MINDY4B: variants seen among roughly 807,000 people sequenced by gnomAD.
MINDY4B encodes the protein inactive ubiquitin carboxyl-terminal hydrolase MINDY-4B.
In MINDY4B, 25 loss-of-function variants were observed where a neutral mutation model predicts 16.7. The observed-to-expected ratio is 1.49, with a 90% confidence interval of 1.09 to 2.09. The LOEUF is 2.09. Among genes scored for constraint, MINDY4B ranks in the 30% most tolerant of loss-of-function variants. The pLI, the probability that MINDY4B is intolerant of heterozygous loss-of-function variation, is 0.00. For missense variants in MINDY4B, 327 were observed against 168.4 expected, an observed-to-expected ratio of 1.94 and a Z score of -5.21; for synonymous variants, 132 against 61.9, an observed-to-expected ratio of 2.13 and a Z score of -5.32.
At chr3:150,888,931 G>A (rs1005855566) in intron 7 of MINDY4B, among the ~76,000 whole-genome samples, 1 of 152,088 alleles carries the variant, frequency 6.6e-6, no homozygotes, top group South Asian at 2.1e-4. Context: ...TGGAAGACAG[G>A]GAGGGGAGGG....
chr3:150,903,099 C>A, intron 3 of MINDY4B, 150 bp downstream of exon 3: 1 of 395,228 alleles, frequency 2.5e-6, no homozygotes, highest in East Asian at 3.6e-5. Flanking sequence ...ATAAATAAGT[C>A]ATTTTAATTA....
rs528207345 is a variant in MINDY4B, at chr3:150,870,471, C to T, written c.*574G>A. On this transcript the variant is annotated 3_prime_UTR_variant, in exon 12 of 12. Transcript: ENST00000465419. Reference sequence around the variant, plus strand: ...GCTACTGAAACCCACATGTCAACTGCTATAGCTGTCAGCCTACCAGGAATA... The same window carrying T: ...GCTACTGAAACCCACATGTCAACTGTTATAGCTGTCAGCCTACCAGGAATA... Among the ~76,000 whole-genome samples the T allele has an allele frequency of 6.6e-6, 1 of 152,314 alleles. No homozygotes were observed. Among genetic ancestry groups the T allele is most frequent in the African/African-American group, 2.4e-5 (1 of 41,568 alleles).
chr3:150,879,129 T>A (rs1204972537), intron 10 of MINDY4B, among the ~76,000 whole-genome samples: 1 of 152,214 alleles, frequency 6.6e-6, no homozygotes, highest in Non-Finnish European at 1.5e-5. Flanking sequence ...TGTCAACCTT[T>A]CTAATACTGA....
intron 11 of MINDY4B, 76 bp downstream of exon 11, chr3:150,873,111 A>G (rs556574345): frequency 4.8e-6 from 3 of 627,142 alleles, no homozygotes; most frequent in Non-Finnish European, 5.7e-6. Context: ...GAATATCCAC[A>G]CAGTTGTTAA....
intron 10 of MINDY4B, among the ~76,000 whole-genome samples, chr3:150,879,764 G>A (rs1407987186): frequency 6.6e-6 from 1 of 152,176 alleles, no homozygotes; most frequent in Non-Finnish European, 1.5e-5. Context: ...TCTGGGGGAT[G>A]ACCTGGGCAT....
chr3:150,878,690 C>G (rs1016215595), intron 10 of MINDY4B, among the ~76,000 whole-genome samples: 1 of 152,182 alleles, frequency 6.6e-6, no homozygotes, highest in Non-Finnish European at 1.5e-5. Flanking sequence ...TGCCCCACTT[C>G]CAGTTTGTGA....
chr3:150,873,463 T>C, intron 10 of MINDY4B, 96 bp from the exon 11 acceptor site: 1 of 634,612 alleles, frequency 1.6e-6, no homozygotes. Flanking sequence ...AGCTCTGAGG[T>C]TTCTTGTTGC....
In MINDY4B at chr3:150,903,486, C is replaced by G. The variant is rs1294905326; in HGVS notation, c.142-70G>C. 1.0e-5 allele frequency: 4 copies of G among 397,750 alleles called. No individual in the cohort carries two copies. In the Admixed American group the frequency reaches 1.3e-4, roughly 13 times the overall value. The allele number at this position is 397,750 out of a possible 1,614,324, so 24.6% of individuals were successfully genotyped here. On this transcript the variant is annotated intron_variant, in intron 2 of 11. Coordinates refer to ENST00000465419, the MANE Select transcript of MINDY4B (RefSeq NM_001351281.2). Reference sequence around the variant, plus strand: ...GTGATGACCTTGTTTTAAATTTTCTCTTTTTCTCTCTGAAATACCAGTGTT... The same window carrying G: ...GTGATGACCTTGTTTTAAATTTTCTGTTTTTCTCTCTGAAATACCAGTGTT...
intron 10 of MINDY4B, 104 bp downstream of exon 10, chr3:150,882,793 A>G (rs936879387): frequency 1.7e-5 from 9 of 514,332 alleles, no homozygotes; most frequent in African/African-American, 5.8e-5. Flanking sequence ...GCAGACAGTA[A>G]GGGAGAAAGT....
chr3:150,871,036 A>G lies in MINDY4B; in HGVS notation c.*9T>C. ...CACTTCAGACTTCATTGCACAGCCT[A>G]GTTTCCCTTTAGAAGAAGGGAACGG... On this transcript the variant is annotated 3_prime_UTR_variant, in exon 12 of 12. Transcript: ENST00000465419. 2 of 702,528 alleles carry G rather than the reference A, an allele frequency of 2.8e-6. No homozygotes were observed. The highest frequency in any genetic ancestry group is 5.2e-6 in the Non-Finnish European group (2 of 384,650). 43.5% of individuals were successfully genotyped at this position (702,528 alleles called of 1,614,324 possible).
chr3:150,897,492 C>T (rs571713024), intron 3 of MINDY4B, among the ~76,000 whole-genome samples: 22 of 152,186 alleles, frequency 1.4e-4, no homozygotes, highest in Middle Eastern at 3.4e-3. Flanking sequence ...ACAAACGGAG[C>T]GTGGAGCTCA....
intron 11 of MINDY4B, among the ~76,000 whole-genome samples, chr3:150,872,521 T>TC (rs1716993639): frequency 6.6e-6 from 1 of 152,238 alleles, no homozygotes; most frequent in Non-Finnish European, 1.5e-5. Flanking sequence ...TTGGTCTTTT[T>TC]CCCTCAGGAG....
At chr3:150,900,519 A>G (rs910158994) in intron 3 of MINDY4B, among the ~76,000 whole-genome samples, 2 of 152,332 alleles carry the variant, frequency 1.3e-5, no homozygotes, top group Non-Finnish European at 1.5e-5. Flanking sequence ...TAGAACAAGC[A>G]TATTTAGAAT....
Position 150,871,156 on chromosome 3 carries a change from T to C in MINDY4B, c.1272A>G (p.Gln424=). The change falls in exon 12 of 12, where the codon CAA becomes CAG. Residue 424 remains glutamine (Q), a synonymous_variant. Coordinates refer to ENST00000465419, the MANE Select transcript of MINDY4B (RefSeq NM_001351281.2). ...GTCTTGGTCCATGTTTCTCTTCCTG[T>C]TGGTCTCTTTCCCAGTGATGGGAGT... ...DTHSHHWERD[Q]QEEKHGPRRR... The C allele has an allele frequency of 1.4e-6, 1 of 702,804 alleles. No individual in the cohort carries two copies. The highest frequency in any genetic ancestry group is 2.6e-6 in the Non-Finnish European group (1 of 384,816). 43.5% of individuals were successfully genotyped at this position (702,804 alleles called of 1,614,324 possible).
chr3:150,889,230 G>A (rs1008191066), intron 7 of MINDY4B, among the ~76,000 whole-genome samples: 7 of 152,252 alleles, frequency 4.6e-5, no homozygotes, highest in Non-Finnish European at 2.9e-5. Flanking sequence ...GATGTCAGCA[G>A]GGCAGCTTCC....
intron 10 of MINDY4B, among the ~76,000 whole-genome samples, chr3:150,881,105 C>T (rs1711518118): frequency 6.6e-6 from 1 of 152,140 alleles, no homozygotes; most frequent in South Asian, 2.1e-4. Flanking sequence ...TAATGAGAGG[C>T]CAGGCAGTGG....
chr3:150,873,611 G>A (rs1717019593), intron 10 of MINDY4B, among the ~76,000 whole-genome samples: 1 of 152,030 alleles, frequency 6.6e-6, no homozygotes, highest in South Asian at 2.1e-4. Context: ...AAATTTTTTT[G>A]GTGGCCTCAC....
In MINDY4B at chr3:150,870,984, T is replaced by G; in HGVS notation, c.*61A>C. 1 of 667,394 alleles carries G rather than the reference T, an allele frequency of 1.5e-6. No homozygotes were observed. The highest frequency in any genetic ancestry group is 2.7e-6 in the Non-Finnish European group (1 of 368,902). 41.3% of individuals were successfully genotyped at this position (667,394 alleles called of 1,614,324 possible). A position where few individuals can be genotyped will look rare whatever the true frequency, so the allele number is the denominator to read the frequency against. On this transcript the variant is annotated 3_prime_UTR_variant, in exon 12 of 12. Transcript: ENST00000465419. ...TGGAAACGATTGGTCTCCCCCACAT[T>G]AGGCTTTTGCATCCCAGCAGTTCTG...
At chr3:150,882,651 A>C (rs966100866) in intron 10 of MINDY4B, among the ~76,000 whole-genome samples, 1 of 151,860 alleles carries the variant, frequency 6.6e-6, no homozygotes, top group African/African-American at 2.4e-5. Context: ...TTAAAAATGT[A>C]TGTATTACTT....
Sources: gnomAD v4.1 joint callset for allele counts (sites outside exome capture counted in the v4.1 genomes callset) on GRCh38, gnomAD v4.1.1 for gene constraint, MANE v1.5 for transcripts, NCBI Gene and HGNC (gene_info 2026-07-23, HGNC 2026-07-21) for gene names.